The following GTF2A1L variants were observed in gnomAD, a reference collection of about 807,000 sequenced individuals.
GTF2A1L encodes the protein general transcription factor IIA subunit 1 like.
In GTF2A1L, 48 loss-of-function variants were observed where a neutral mutation model predicts 49.7. That is an observed-to-expected ratio of 0.97 (90% CI 0.77 to 1.23). GTF2A1L has a LOEUF of 1.23. GTF2A1L is among the 50% of genes most tolerant of loss of function. The pLI, the probability that GTF2A1L is intolerant of heterozygous loss-of-function variation, is 0.00. For synonymous variants in GTF2A1L, 246 were observed against 193.5 expected (o/e 1.27, Z -2.25); for missense variants, 736 against 564.8 (o/e 1.30, Z -3.07).
chr2:48,619,003 A>G (rs1177533285), intron 1 of GTF2A1L, among the ~76,000 whole-genome samples: 1 of 152,204 alleles, frequency 6.6e-6, no homozygotes, highest in South Asian at 2.1e-4. Context: ...TGAAGCATCA[A>G]TTTAGTATGC....
intron 6 of GTF2A1L, among the ~76,000 whole-genome samples, chr2:48,663,795 A>G (rs768152003): frequency 7.2e-5 from 11 of 152,016 alleles, no homozygotes; most frequent in Non-Finnish European, 1.3e-4. Flanking sequence ...ACACACAACC[A>G]TACCTGGCTA....
At chr2:48,675,137 C>A (rs992413763) in intron 8 of GTF2A1L, among the ~76,000 whole-genome samples, 1 of 152,134 alleles carries the variant, frequency 6.6e-6, no homozygotes, top group African/African-American at 2.4e-5. Flanking sequence ...AAAGAACTTT[C>A]AGTAGTCTCT....
rs971230148 is a variant in GTF2A1L at position 48,626,128 on chromosome 2, A to G, written c.247+4838A>G. Among the ~76,000 whole-genome samples, 2 of 144,112 alleles carry G rather than the reference A, an allele frequency of 1.4e-5. 1 individual carries two copies. Among genetic ancestry groups the G allele is most frequent in the East Asian group, 3.9e-4 (2 of 5,100 alleles). 94.5% of individuals were successfully genotyped at this position (144,112 alleles called of 152,430 possible). A position where few individuals can be genotyped will look rare whatever the true frequency, so the allele number is the denominator to read the frequency against. Reference sequence around the variant, plus strand: ...CCAACAACCATTTATTGAAGAAACTATCCTTTCCCCATTGTGTCCTCTTAG... The same window carrying G: ...CCAACAACCATTTATTGAAGAAACTGTCCTTTCCCCATTGTGTCCTCTTAG... On this transcript the variant is annotated intron_variant, in intron 3 of 8. Transcript: ENST00000403751.
intron 6 of GTF2A1L, among the ~76,000 whole-genome samples, chr2:48,651,931 G>T (rs1677873608): frequency 6.6e-6 from 1 of 152,068 alleles, no homozygotes; most frequent in Admixed American, 6.6e-5. Flanking sequence ...TTGTTTTCAT[G>T]GTCCTGTGGT....
intron 6 of GTF2A1L, among the ~76,000 whole-genome samples, chr2:48,653,953 C>T (rs1451694345): frequency 1.3e-5 from 2 of 148,896 alleles, no homozygotes; most frequent in Admixed American, 6.7e-5. Flanking sequence ...AGAAACAGCC[C>T]CGAAAACATT....
chr2:48,654,073 C>T (rs1490059848), intron 6 of GTF2A1L, among the ~76,000 whole-genome samples: 7 of 152,078 alleles, frequency 4.6e-5, no homozygotes, highest in Admixed American at 1.3e-4. Flanking sequence ...GGCTGTATTT[C>T]CACCAGCAAT....
At position 48,669,769 on chromosome 2, in the gene GTF2A1L, T is replaced by C. The variant is rs1270257875; in HGVS notation, c.1026T>C (p.Asp342=). 2 of 1,613,966 alleles carry C rather than the reference T, an allele frequency of 1.2e-6. No individual in the cohort carries two copies. The highest frequency in any genetic ancestry group is 8.5e-7 in the Non-Finnish European group (1 of 1,179,950). The change falls in exon 7 of 9, where the codon GAT becomes GAC. Residue 342 remains aspartate, a synonymous_variant. Coordinates refer to ENST00000403751, the MANE Select transcript of GTF2A1L (RefSeq NM_006872.5). ...TAAGCATTCGGGTTACTGATGATGA[T>C]ATTGGTGAAATAATTCAAGTAGATG... ...VDLSIRVTDD[D]IGEIIQVDGS... is the part of the protein sequence containing the mutation.
intron 3 of GTF2A1L, among the ~76,000 whole-genome samples, chr2:48,627,134 G>A (rs576429344): frequency 4.9e-5 from 7 of 143,758 alleles, no homozygotes; most frequent in Middle Eastern, 3.5e-3. Context: ...AATTCAATCT[G>A]TTGTGATATG....
At chr2:48,656,083 CTG>C (rs1197987382) in intron 6 of GTF2A1L, among the ~76,000 whole-genome samples, 1 of 152,162 alleles carries the variant, frequency 6.6e-6, no homozygotes. Context: ...ATTCAAGTGT[CTG>C]TGGATACTTG....
intron 6 of GTF2A1L, among the ~76,000 whole-genome samples, chr2:48,647,969 G>C (rs79616469): frequency 6.6e-6 from 1 of 152,082 alleles, no homozygotes; most frequent in Non-Finnish European, 1.5e-5. Context: ...CCATCATCTA[G>C]ACCCACTGTA....
chr2:48,630,021 T>A, intron 3 of GTF2A1L, among the ~76,000 whole-genome samples: 1 of 144,484 alleles, frequency 6.9e-6, no homozygotes, highest in East Asian at 1.9e-4. Flanking sequence ...TACTATAGAC[T>A]TATAGTATGG....
chr2:48,669,680 C>A (rs905965754), intron 6 of GTF2A1L, 42 bp from the exon 7 acceptor site: 1 of 1,557,998 alleles, frequency 6.4e-7, no homozygotes. Context: ...TTTTATATAC[C>A]TTATTTGACT....
At chr2:48,676,533 A>G (rs1266025185) in intron 8 of GTF2A1L, among the ~76,000 whole-genome samples, 4 of 151,868 alleles carry the variant, frequency 2.6e-5, no homozygotes, top group Non-Finnish European at 4.4e-5. Context: ...GTTTGTTCAT[A>G]ATCTTTGTCT....
rs771710498 is a variant in GTF2A1L at position 48,642,434 on chromosome 2, C to T, written c.280C>T (p.Pro94Ser). Residue 94 changes from proline to serine, a missense_variant, in exon 4 of 9, where the codon CCA (proline) becomes TCA (serine). Pro to Ser is a moderately conservative substitution (Grantham distance 74). Coordinates refer to ENST00000403751, the MANE Select transcript of GTF2A1L (RefSeq NM_006872.5). ...AGTTATTCCTGCTGGTAGAACTCTT[C>T]CAAGTTTTACCACAGCAGAACTGGT... ...SLVIPAGRTL[P>S]SFTTAELGTS... 6.3e-7 allele frequency: 1 copy of T among 1,592,882 alleles called. No individual in the cohort carries two copies. Among genetic ancestry groups the T allele is most frequent in the South Asian group, 1.2e-5 (1 of 86,716 alleles).
At position 48,642,387 on chromosome 2, in the gene GTF2A1L, T is replaced by G; in HGVS notation, c.248-15T>G. On this transcript the variant is annotated splice_polypyrimidine_tract_variant and intron_variant, in intron 3 of 8. Transcript: ENST00000403751. ...AAATTCTAATGAATGTATATTTATT[T>G]TGTTTCCTATGCAGCATCATTAGTT... 2 of 1,562,488 alleles carry G rather than the reference T, an allele frequency of 1.3e-6. No homozygotes were observed. Among genetic ancestry groups the G allele is most frequent in the South Asian group, 2.5e-5 (2 of 80,688 alleles).
intron 6 of GTF2A1L, among the ~76,000 whole-genome samples, chr2:48,649,634 C>T (rs956972619): frequency 1.3e-5 from 2 of 152,230 alleles, no homozygotes; most frequent in Non-Finnish European, 2.9e-5. Flanking sequence ...CAGCAGCACA[C>T]TGGCACCGTG....
intron 6 of GTF2A1L, among the ~76,000 whole-genome samples, chr2:48,655,249 C>T (rs1459104552): frequency 6.6e-6 from 1 of 151,656 alleles, no homozygotes; most frequent in South Asian, 2.1e-4. Context: ...GTTTTTGGTG[C>T]TATTATAAAT....
At chr2:48,642,325 A>T in intron 3 of GTF2A1L, 77 bp from the exon 4 acceptor site, 3 of 1,339,106 alleles carry the variant, frequency 2.2e-6, no homozygotes, top group South Asian at 1.8e-5. Context: ...AATATTTTTT[A>T]AAAATAAGCT....
intron 3 of GTF2A1L, among the ~76,000 whole-genome samples, chr2:48,623,830 T>C (rs530689730): frequency 3.9e-5 from 6 of 152,316 alleles, no homozygotes; most frequent in African/African-American, 1.4e-4. Context: ...ATATATTGCA[T>C]GTTCTCACTT....
Sources: gnomAD v4.1 joint callset for allele counts (sites outside exome capture counted in the v4.1 genomes callset) on GRCh38, gnomAD v4.1.1 for gene constraint, MANE v1.5 for transcripts, NCBI Gene and HGNC (gene_info 2026-07-23, HGNC 2026-07-21) for gene names.